Variants in NLGN1 observed in about 807,000 individuals in gnomAD.
NLGN1 encodes neuroligin 1.
In NLGN1, 12 loss-of-function variants were observed where a neutral mutation model predicts 65.5. The observed-to-expected ratio is 0.18, with a 90% CI of 0.12 to 0.30. The LOEUF (loss-of-function observed/expected upper bound fraction) is 0.30. Ranked by LOEUF, NLGN1 falls within the 10% of genes least tolerant of loss-of-function variation. The probability of loss-of-function intolerance (pLI) is 1.00; values close to 1 mark genes in which losing one functional copy is unlikely to be tolerated. For synonymous variants in NLGN1, 350 were observed against 359.5 expected, an observed-to-expected ratio of 0.97 and a Z score of 0.30; for missense variants, 750 against 1,007.1, an observed-to-expected ratio of 0.74 and a Z score of 3.46.
intron 4 of NLGN1, among the ~76,000 whole-genome samples, chr3:173,881,875 A>C (rs531082683): frequency 2.6e-5 from 4 of 152,278 alleles, no homozygotes; most frequent in Admixed American, 6.5e-5. Flanking sequence ...TGGCATATAG[A>C]ATGGTAAATC....
rs571673023 is a variant in NLGN1 at position 173,568,830 on chromosome 3, T to C, written c.-320-35449T>C. On this transcript the variant is annotated intron_variant, in intron 2 of 6. Coordinates refer to ENST00000457714, the Ensembl canonical transcript of NLGN1. ...CTCGGACTACAGACGCCTGCCACCA[T>C]GCCCAGCTAATTTTTTTTTCTTGTA... Among the ~76,000 whole-genome samples the C allele has an allele frequency of 1.8e-4, 28 of 152,218 alleles. No individual in the cohort carries two copies. In the South Asian group the frequency reaches 5.8e-3, roughly 32 times the overall value.
At chr3:173,566,460 G>C (rs1295684819) in intron 2 of NLGN1, among the ~76,000 whole-genome samples, 2 of 152,022 alleles carry the variant, frequency 1.3e-5, no homozygotes, top group Admixed American at 6.6e-5. Flanking sequence ...TGCAAAATTT[G>C]ATTATTTAGT....
intron 4 of NLGN1, among the ~76,000 whole-genome samples, chr3:174,052,053 C>CA: frequency 6.6e-6 from 1 of 152,068 alleles, no homozygotes; most frequent in East Asian, 1.9e-4. Flanking sequence ...TCAAGGCTCA[C>CA]AAAATCCAAG....
chr3:174,154,980 T>TAA (rs1561174931), intron 4 of NLGN1, among the ~76,000 whole-genome samples: 8,047 of 121,686 alleles, frequency 0.066, 603 homozygotes, highest in African/African-American at 0.15. Context: ...ATATAATATA[T>TAA]TATATTATAT....
chr3:173,586,006 A>G (rs1041611384), intron 2 of NLGN1, among the ~76,000 whole-genome samples: 1 of 152,216 alleles, frequency 6.6e-6, no homozygotes. Flanking sequence ...ATTATTCTGA[A>G]GTAATTTTGG....
intron 4 of NLGN1, among the ~76,000 whole-genome samples, chr3:174,134,969 A>G (rs1442678736): frequency 2.6e-5 from 4 of 152,172 alleles, no homozygotes; most frequent in Non-Finnish European, 4.4e-5. Context: ...CTTCCTTTTC[A>G]GAAACAATTG....
intron 4 of NLGN1, among the ~76,000 whole-genome samples, chr3:173,930,632 T>C (rs1743921404): frequency 6.6e-6 from 1 of 152,186 alleles, no homozygotes; most frequent in South Asian, 2.1e-4. Flanking sequence ...AGGATGTCTT[T>C]TGTACCCCAA....
chr3:173,525,083 A>T (rs1270418844), intron 2 of NLGN1, among the ~76,000 whole-genome samples: 1 of 152,098 alleles, frequency 6.6e-6, no homozygotes, highest in Non-Finnish European at 1.5e-5. Flanking sequence ...TAGACTAGTT[A>T]TAGGAGGAAT....
At chr3:174,262,169 G>T (rs1747056283) in intron 4 of NLGN1, among the ~76,000 whole-genome samples, 1 of 111,198 alleles carries the variant, frequency 9.0e-6, no homozygotes, top group Non-Finnish European at 1.8e-5. Flanking sequence ...GTCTCTGCCT[G>T]GCTTTGATAT....
chr3:173,765,051 CATGTGTGTGTGT>C (rs1280602615), intron 3 of NLGN1, among the ~76,000 whole-genome samples: 5 of 87,948 alleles, frequency 5.7e-5, no homozygotes, highest in Admixed American at 2.3e-4. Context: ...GCTGTGGGTG[CATGTGTGTGTGT>C]GTGTGTGTGT....
At chr3:173,737,141 A>G (rs1773899574) in intron 3 of NLGN1, among the ~76,000 whole-genome samples, 1 of 152,038 alleles carries the variant, frequency 6.6e-6, no homozygotes, top group Admixed American at 6.6e-5. Context: ...AACTACCTAG[A>G]GAAATAGAGT....
chr3:173,956,843 C>T (rs1475526928), intron 4 of NLGN1, among the ~76,000 whole-genome samples: 5 of 152,136 alleles, frequency 3.3e-5, no homozygotes, highest in Admixed American at 6.5e-5. Context: ...TAAAATCCTA[C>T]ATAGTAAACA....
chr3:174,220,609 T>C (rs979978939), intron 4 of NLGN1, among the ~76,000 whole-genome samples: 2 of 152,176 alleles, frequency 1.3e-5, no homozygotes, highest in Admixed American at 1.3e-4. Context: ...ACACTTGATG[T>C]GTGCATATGT....
chr3:174,256,690 G>C (rs879746701), intron 4 of NLGN1, among the ~76,000 whole-genome samples: 5 of 151,980 alleles, frequency 3.3e-5, no homozygotes, highest in African/African-American at 9.7e-5. Flanking sequence ...CAAAACTTAG[G>C]AATAAGCTTC....
chr3:173,980,349 A>G (rs779693663), intron 4 of NLGN1, among the ~76,000 whole-genome samples: 3 of 152,018 alleles, frequency 2.0e-5, no homozygotes, highest in African/African-American at 7.2e-5. Flanking sequence ...ATAAAATATT[A>G]TAGCTTATTT....
intron 4 of NLGN1, among the ~76,000 whole-genome samples, chr3:174,145,992 C>T (rs943337624): frequency 2.0e-5 from 3 of 152,220 alleles, no homozygotes; most frequent in African/African-American, 7.2e-5. Flanking sequence ...CCTGCTCACA[C>T]GCATTCACAA....
At chr3:173,430,753 T>A (rs2148740460) in intron 1 of NLGN1, among the ~76,000 whole-genome samples, 1 of 152,336 alleles carries the variant, frequency 6.6e-6, no homozygotes, top group Non-Finnish European at 1.5e-5. Context: ...GCCATCTAGT[T>A]GTTAAAAACA....
chr3:173,941,043 C>T (rs1037959584), intron 4 of NLGN1, among the ~76,000 whole-genome samples: 1 of 152,060 alleles, frequency 6.6e-6, no homozygotes, highest in Non-Finnish European at 1.5e-5. Context: ...TTCTGTGTAG[C>T]TTTCGTGGAT....
At chr3:173,999,485 A>C (rs191283365) in intron 4 of NLGN1, among the ~76,000 whole-genome samples, 123 of 152,328 alleles carry the variant, frequency 8.1e-4, no homozygotes, top group South Asian at 4.1e-3. Context: ...CCAGAAATAT[A>C]ATTTCAACCG....
Sources: allele counts gnomAD v4.1 joint callset (sites outside exome capture counted in the v4.1 genomes callset), GRCh38; gene constraint gnomAD v4.1.1; transcripts MANE v1.5; gene names NCBI Gene and HGNC (gene_info 2026-07-23, HGNC 2026-07-21).